Variants in CSNK1G1 observed in about 807,000 individuals in gnomAD.
CSNK1G1 encodes the protein casein kinase I isoform gamma-1.
A neutral mutation model predicts 59.6 loss-of-function variants in CSNK1G1; 22 were observed. The observed-to-expected ratio is 0.37, with a 90% CI of 0.26 to 0.53. The LOEUF (loss-of-function observed/expected upper bound fraction) is 0.53, where lower values mean the gene tolerates loss of function less well. CSNK1G1 is among the 20% of genes least tolerant of loss of function. The pLI is 0.89. For synonymous variants in CSNK1G1, 179 were observed against 177.1 expected, an observed-to-expected ratio of 1.01 and a Z score of -0.08; for missense variants, 384 against 519.5, an observed-to-expected ratio of 0.74 and a Z score of 2.54.
intron 1 of CSNK1G1, among the ~76,000 whole-genome samples, chr15:64,313,073 G>C (rs993665520): frequency 5.9e-5 from 9 of 152,202 alleles, no homozygotes; most frequent in Non-Finnish European, 5.9e-5. Context: ...ACGCCAGTTA[G>C]AATGGTGATC....
chr15:64,277,033 A>T (rs1893665344), intron 2 of CSNK1G1, among the ~76,000 whole-genome samples: 3 of 152,182 alleles, frequency 2.0e-5, no homozygotes, highest in Admixed American at 2.0e-4. Flanking sequence ...CAATTCCGGA[A>T]GAACTAGAAC....
chr15:64,321,539 C>T (rs1194137438), intron 1 of CSNK1G1, among the ~76,000 whole-genome samples: 3 of 152,188 alleles, frequency 2.0e-5, no homozygotes, highest in Non-Finnish European at 2.9e-5. Context: ...GCTGGGATTA[C>T]AGGCACCAGC....
chr15:64,255,654 A>G (rs1243739558), intron 3 of CSNK1G1, among the ~76,000 whole-genome samples: 6 of 152,130 alleles, frequency 3.9e-5, no homozygotes, highest in Admixed American at 6.5e-5. Context: ...GTAATTTCAA[A>G]TTCCTTTCAC....
chr15:64,232,873 A>C (rs979074439), intron 4 of CSNK1G1, among the ~76,000 whole-genome samples: 7 of 152,238 alleles, frequency 4.6e-5, no homozygotes, highest in Non-Finnish European at 1.0e-4. Flanking sequence ...AAAATATGAC[A>C]TAGAATTAAA....
intron 1 of CSNK1G1, among the ~76,000 whole-genome samples, chr15:64,313,484 G>T (rs1011143623): frequency 6.6e-6 from 1 of 152,084 alleles, no homozygotes; most frequent in Non-Finnish European, 1.5e-5. Flanking sequence ...ATCATTCTCA[G>T]CAAACTAACA....
At chr15:64,288,660 C>T (rs1338387622) in intron 2 of CSNK1G1, among the ~76,000 whole-genome samples, 2 of 151,622 alleles carry the variant, frequency 1.3e-5, no homozygotes, top group African/African-American at 2.4e-5. Context: ...TGAATCAATC[C>T]AGCATCACCT....
At chr15:64,195,489 A>G (rs2082026944) in intron 10 of CSNK1G1, among the ~76,000 whole-genome samples, 1 of 152,238 alleles carries the variant, frequency 6.6e-6, no homozygotes, top group Non-Finnish European at 1.5e-5. Flanking sequence ...CTGAAAGGGC[A>G]GGAAGAGTGC....
chr15:64,259,186 A>G lies in CSNK1G1; in HGVS notation c.222+15T>C. On this transcript the variant is annotated intron_variant, in intron 3 of 11. Coordinates refer to ENST00000303052, the MANE Select transcript of CSNK1G1 (RefSeq NM_022048.5). Reference sequence around the variant, plus strand: ...AGCACCAAAACATTAATTACCACAAACAGATTCTACTCACCAGTTTGATTG... The same window carrying G: ...AGCACCAAAACATTAATTACCACAAGCAGATTCTACTCACCAGTTTGATTG... 1 of 1,579,220 alleles carries G rather than the reference A, an allele frequency of 6.3e-7. No homozygotes were observed. Among genetic ancestry groups the G allele is most frequent in the Non-Finnish European group, 8.6e-7 (1 of 1,161,106 alleles).
chr15:64,351,025 C>T (rs779258234), intron 1 of CSNK1G1, among the ~76,000 whole-genome samples: 4 of 151,812 alleles, frequency 2.6e-5, no homozygotes, highest in South Asian at 2.1e-4. Context: ...AAGTTATTTC[C>T]GGAAAATACA....
At chr15:64,285,342 G>T (rs562079959) in intron 2 of CSNK1G1, among the ~76,000 whole-genome samples, 35 of 152,122 alleles carry the variant, frequency 2.3e-4, no homozygotes, top group African/African-American at 8.0e-4. Context: ...TCTAATTTTT[G>T]TGATGACATT....
At chr15:64,293,492 A>G (rs1312493546) in intron 2 of CSNK1G1, among the ~76,000 whole-genome samples, 1 of 152,244 alleles carries the variant, frequency 6.6e-6, no homozygotes, top group Non-Finnish European at 1.5e-5. Context: ...AAGGACACAC[A>G]TACACACAAA....
intron 2 of CSNK1G1, among the ~76,000 whole-genome samples, chr15:64,278,608 T>C (rs1893933449): frequency 6.6e-6 from 1 of 151,970 alleles, no homozygotes; most frequent in Non-Finnish European, 1.5e-5. Flanking sequence ...TTTGTATTTT[T>C]AGTAGAGACA....
chr15:64,257,095 G>C (rs1165283654), intron 3 of CSNK1G1, among the ~76,000 whole-genome samples: 5 of 151,562 alleles, frequency 3.3e-5, no homozygotes, highest in Non-Finnish European at 4.4e-5. Context: ...CTCTAAAATG[G>C]CTTTGAGACT....
chr15:64,235,734 A>G (rs1334111695), intron 4 of CSNK1G1, among the ~76,000 whole-genome samples: 2 of 152,204 alleles, frequency 1.3e-5, no homozygotes, highest in African/African-American at 4.8e-5. Context: ...ATGAGAACAT[A>G]TTTGGCAATG....
intron 2 of CSNK1G1, among the ~76,000 whole-genome samples, chr15:64,274,764 C>A (rs1288969469): frequency 6.6e-6 from 1 of 152,152 alleles, no homozygotes; most frequent in African/African-American, 2.4e-5. Flanking sequence ...TCAGACACTG[C>A]ATTATTTCAA....
chr15:64,300,368 G>C lies in CSNK1G1; in HGVS notation c.132C>G (p.Phe44Leu). The C allele has an allele frequency of 6.2e-7, 1 of 1,614,186 alleles. No homozygotes were observed. Among genetic ancestry groups the C allele is most frequent in the Non-Finnish European group, 8.5e-7 (1 of 1,180,032 alleles). ...CACATCCTATCTTCTTGCCAACCCTGAAGTTGGGTCCCACCATAAGAACCC... is the reference window on the plus strand; with the variant it reads ...CACATCCTATCTTCTTGCCAACCCTCAAGTTGGGTCCCACCATAAGAACCC... ...SSGVLMVGPN[F>L]RVGKKIGCGN... is the part of the protein sequence containing the mutation. Residue 44 changes from phenylalanine to leucine, a missense_variant, in exon 2 of 12, where the codon TTC (phenylalanine) becomes TTG (leucine). Phe to Leu is a conservative substitution (Grantham distance 22). This residue lies in a region of CSNK1G1 where 56 missense variants were observed against 60.8 expected (regional missense o/e 0.92). Coordinates refer to ENST00000303052, the MANE Select transcript of CSNK1G1 (RefSeq NM_022048.5).
rs560423264 is a variant in CSNK1G1 at position 64,342,568 on chromosome 15, T to C, written c.-225+13420A>G. 3.9e-5 allele frequency: 6 copies of C among 152,314 alleles called. No homozygotes were observed. The East Asian group carries it at 5.8e-4, about 15-fold the overall frequency. The allele number at this position is 152,314 out of a possible 1,614,324, so 9.4% of individuals were successfully genotyped here. On this transcript the variant is annotated intron_variant, in intron 1 of 11. Transcript: ENST00000303052. ...CTTGAATACATACAGATACTTCCTGTTACTCTCTAGCTTAAGAACCTTTAA... is the reference window on the plus strand; with the variant it reads ...CTTGAATACATACAGATACTTCCTGCTACTCTCTAGCTTAAGAACCTTTAA...
At chr15:64,251,377 T>C in intron 4 of CSNK1G1, 135 bp downstream of exon 4, 1 of 604,722 alleles carries the variant, frequency 1.7e-6, no homozygotes, top group Non-Finnish European at 2.9e-6. Flanking sequence ...GTTGACTATG[T>C]TTATTTACCT....
intron 1 of CSNK1G1, chr15:64,315,735 G>A (rs1896231301): frequency 6.6e-6 from 1 of 152,092 alleles, no homozygotes; most frequent in African/African-American, 2.4e-5. Context: ...AAGTGCACTG[G>A]CCTCACAACT....
Sources: gnomAD v4.1 joint callset for allele counts (sites outside exome capture counted in the v4.1 genomes callset) on GRCh38, gnomAD v4.1.1 for gene constraint, gnomAD v4.1.1 regional missense constraint, MANE v1.5 for transcripts, NCBI Gene and HGNC (gene_info 2026-07-23, HGNC 2026-07-21) for gene names.